Variants in KLHL1 observed in about 807,000 individuals in gnomAD.
KLHL1 encodes the protein kelch-like protein 1.
KLHL1 carries 47 observed loss-of-function variants against 77.7 expected under a neutral mutation model. That is an observed-to-expected ratio of 0.60 (90% CI 0.48 to 0.77). The LOEUF (loss-of-function observed/expected upper bound fraction) is 0.77, where lower values mean the gene tolerates loss of function less well. KLHL1 is among the 30% of genes least tolerant of loss of function. The pLI is 0.00. For missense variants in KLHL1, 925 were observed against 910.8 expected (o/e 1.02, Z -0.20); for synonymous variants, 360 against 325.2 (o/e 1.11, Z -1.15).
rs151013525 is a variant in KLHL1, at chr13:69,771,422, A to C, written c.1639+25316T>G. On this transcript the variant is annotated intron_variant, in intron 7 of 10. Transcript: ENST00000377844. ...TGAGCTACTTTATCTCCTCATTTTA[A>C]ATTTTTTAGAGGGATGCTGAAAGGT... Among the ~76,000 whole-genome samples, 7 of 152,292 alleles carry C rather than the reference A, an allele frequency of 4.6e-5. No homozygotes were observed. The East Asian group carries it at 1.4e-3, about 29-fold the overall frequency.
At chr13:69,984,464 T>C (rs1438363074) in intron 1 of KLHL1, among the ~76,000 whole-genome samples, 2 of 152,122 alleles carry the variant, frequency 1.3e-5, no homozygotes, top group African/African-American at 4.8e-5. Flanking sequence ...GCCTGCCAGA[T>C]AGAAAAACTG....
At chr13:70,001,669 CT>C (rs1885294837) in intron 1 of KLHL1, among the ~76,000 whole-genome samples, 1 of 148,202 alleles carries the variant, frequency 6.7e-6, no homozygotes, top group Non-Finnish European at 1.5e-5. Flanking sequence ...ATCTATCTAT[CT>C]ATCTATCTAT....
chr13:69,920,603 T>C (rs1003306848), intron 4 of KLHL1, among the ~76,000 whole-genome samples: 2 of 152,142 alleles, frequency 1.3e-5, no homozygotes, highest in African/African-American at 4.8e-5. Context: ...ATGTTTGTTT[T>C]CACATGTCCT....
intron 4 of KLHL1, among the ~76,000 whole-genome samples, chr13:69,893,455 T>C (rs7319667): frequency 0.9 from 137,400 of 151,840 alleles, 62,995 homozygotes; most frequent in South Asian, 0.98. Flanking sequence ...AGGATGGTCT[T>C]GATCTCCTGA....
intron 1 of KLHL1, among the ~76,000 whole-genome samples, chr13:70,098,962 A>C (rs1163940712): frequency 6.6e-6 from 1 of 151,912 alleles, no homozygotes; most frequent in Non-Finnish European, 1.5e-5. Flanking sequence ...CTTTATACTT[A>C]GTCAATATTT....
chr13:70,075,569 G>GTGTGTA (rs761519216), intron 1 of KLHL1, among the ~76,000 whole-genome samples: 26 of 106,662 alleles, frequency 2.4e-4, no homozygotes, highest in African/African-American at 9.5e-4. Context: ...GTGTGTATGT[G>GTGTGTA]TATATATATA....
intron 1 of KLHL1, among the ~76,000 whole-genome samples, chr13:70,097,268 T>C (rs370401669): frequency 2.5e-4 from 38 of 152,134 alleles, no homozygotes; most frequent in African/African-American, 8.4e-4. Context: ...ATATCAAGAA[T>C]AGATTTTAAA....
chr13:70,039,056 ATTT>A (rs35184766), intron 1 of KLHL1, among the ~76,000 whole-genome samples: 2,225 of 124,654 alleles, frequency 0.018, 6 homozygotes, highest in African/African-American at 0.02. Flanking sequence ...TCCTTTGCAC[ATTT>A]TTTTTTTTTT....
chr13:69,782,807 A>G (rs9572281), intron 7 of KLHL1, among the ~76,000 whole-genome samples: 38,218 of 152,146 alleles, frequency 0.25, 4,922 homozygotes, highest in South Asian at 0.34. Flanking sequence ...AGCTTTGAAG[A>G]GAGTAGTGGT....
intron 4 of KLHL1, among the ~76,000 whole-genome samples, chr13:69,905,547 C>G (rs1216993208): frequency 6.6e-6 from 1 of 151,780 alleles, no homozygotes; most frequent in African/African-American, 2.4e-5. Flanking sequence ...AAAGTAAGAC[C>G]AAATTCAATT....
intron 1 of KLHL1, among the ~76,000 whole-genome samples, chr13:70,055,559 G>A (rs1825452575): frequency 6.6e-6 from 1 of 152,026 alleles, no homozygotes; most frequent in Non-Finnish European, 1.5e-5. Context: ...GTAATATCGT[G>A]AGTAGAAAGA....
intron 4 of KLHL1, among the ~76,000 whole-genome samples, chr13:69,926,596 AC>A (rs1055427581): frequency 4.0e-4 from 61 of 152,212 alleles, no homozygotes; most frequent in African/African-American, 1.4e-3. Context: ...GCAAGATAAT[AC>A]CAATTTCATA....
chr13:70,033,121 T>C (rs1488268044), intron 1 of KLHL1, among the ~76,000 whole-genome samples: 1 of 152,242 alleles, frequency 6.6e-6, no homozygotes, highest in Non-Finnish European at 1.5e-5. Flanking sequence ...CTGAATGGTT[T>C]ATTTCCAATT....
intron 4 of KLHL1, among the ~76,000 whole-genome samples, chr13:69,885,027 G>A (rs1016188079): frequency 1.4e-5 from 2 of 140,434 alleles, no homozygotes; most frequent in Non-Finnish European, 3.0e-5. Flanking sequence ...TGCAAGCTCC[G>A]CTTCCCGGGT....
At chr13:69,873,940 T>A (rs894718939) in intron 5 of KLHL1, among the ~76,000 whole-genome samples, 7 of 152,088 alleles carry the variant, frequency 4.6e-5, no homozygotes, top group African/African-American at 1.7e-4. Flanking sequence ...GGCAAGAATA[T>A]AGTAGGTGAA....
intron 4 of KLHL1, among the ~76,000 whole-genome samples, chr13:69,926,470 A>C (rs1882816753): frequency 6.6e-6 from 1 of 152,200 alleles, no homozygotes; most frequent in Admixed American, 6.5e-5. Context: ...CTCATAAAAC[A>C]TCTCATGTCC....
At chr13:70,048,731 G>C (rs1378394159) in intron 1 of KLHL1, among the ~76,000 whole-genome samples, 1 of 152,178 alleles carries the variant, frequency 6.6e-6, no homozygotes, top group Non-Finnish European at 1.5e-5. Flanking sequence ...TTCAGGCAGT[G>C]ATGCCAGCGA....
intron 7 of KLHL1, among the ~76,000 whole-genome samples, chr13:69,789,702 T>C (rs1369129212): frequency 6.6e-6 from 1 of 152,204 alleles, no homozygotes; most frequent in African/African-American, 2.4e-5. Flanking sequence ...AAAGCAAGGC[T>C]TGTATTTCAC....
At chr13:70,076,565 G>A (rs1887272054) in intron 1 of KLHL1, among the ~76,000 whole-genome samples, 1 of 151,604 alleles carries the variant, frequency 6.6e-6, no homozygotes, top group African/African-American at 2.4e-5. Context: ...GTTTGACAAT[G>A]TGACAATGAG....
Sources: gnomAD v4.1 joint callset for allele counts (sites outside exome capture counted in the v4.1 genomes callset) on GRCh38, gnomAD v4.1.1 for gene constraint, MANE v1.5 for transcripts, NCBI Gene and HGNC (gene_info 2026-07-23, HGNC 2026-07-21) for gene names.